PRELID2: variants seen among roughly 807,000 people sequenced by gnomAD.
The protein encoded by PRELID2 is PRELI domain-containing protein 2.
PRELID2 carries 25 observed loss-of-function variants against 28.4 expected under a neutral mutation model. That is an observed-to-expected ratio of 0.88 (90% confidence interval 0.64 to 1.23). The LOEUF (loss-of-function observed/expected upper bound fraction) is 1.23, where lower values mean the gene tolerates loss of function less well. PRELID2 is among the 50% of genes most tolerant of loss of function. The pLI is 0.00. For synonymous variants in PRELID2, 76 were observed against 71.6 expected, an observed-to-expected ratio of 1.06 and a Z score of -0.31; for missense variants, 201 against 214.4, an observed-to-expected ratio of 0.94 and a Z score of 0.39.
At chr5:145,390,709 G>A in the PRELID2 span, among the ~76,000 whole-genome samples, 1 of 152,064 alleles carries the variant, frequency 6.6e-6, no homozygotes, top group African/African-American at 2.4e-5. Context: ...AGCTCCCAAA[G>A]TCTTAGTTCA....
At chr5:145,496,708 T>A (rs1752312872) in intron 1 of PRELID2, among the ~76,000 whole-genome samples, 1 of 152,122 alleles carries the variant, frequency 6.6e-6, no homozygotes, top group South Asian at 2.1e-4. Flanking sequence ...GTCTGAGGTT[T>A]CTCCTTCCTT....
At chr5:145,412,224 T>C in the PRELID2 span, among the ~76,000 whole-genome samples, 14 of 152,242 alleles carry the variant, frequency 9.2e-5, no homozygotes, top group African/African-American at 3.4e-4. Flanking sequence ...GTTTTTCTTT[T>C]TTCCTGCATA....
chr5:145,599,571 C>G (rs1224142554), intron 1 of PRELID2, among the ~76,000 whole-genome samples: 1 of 152,042 alleles, frequency 6.6e-6, no homozygotes, highest in African/African-American at 2.4e-5. Context: ...GTCTTACGCT[C>G]GAGATACTTG....
At chr5:145,477,898 G>C (rs929819840) in intron 1 of PRELID2, among the ~76,000 whole-genome samples, 2 of 152,040 alleles carry the variant, frequency 1.3e-5, no homozygotes, top group African/African-American at 2.4e-5. Flanking sequence ...GAGGGAAAGG[G>C]GGAAGTGGGG....
chr5:145,831,717 A>T (rs1370352049), intron 1 of PRELID2, among the ~76,000 whole-genome samples: 1 of 152,116 alleles, frequency 6.6e-6, no homozygotes, highest in Admixed American at 6.6e-5. Flanking sequence ...TTAGTCTCCA[A>T]ATGTTTGTCT....
chr5:145,232,097 G>T, the PRELID2 span, among the ~76,000 whole-genome samples: 1 of 152,004 alleles, frequency 6.6e-6, no homozygotes, highest in Non-Finnish European at 1.5e-5. Context: ...TCGTGTAGAG[G>T]TTAATGGAAC....
the PRELID2 span, among the ~76,000 whole-genome samples, chr5:145,320,263 C>A: frequency 6.6e-6 from 1 of 151,826 alleles, no homozygotes; most frequent in African/African-American, 2.4e-5. Flanking sequence ...AACCCATCAG[C>A]ACTCAACAGC....
chr5:145,538,128 A>T (rs765575102), intron 1 of PRELID2, among the ~76,000 whole-genome samples: 4 of 151,884 alleles, frequency 2.6e-5, no homozygotes, highest in Non-Finnish European at 5.9e-5. Context: ...TGGCATCTCT[A>T]TCAAAAATCA....
chr5:145,457,255 T>G, the PRELID2 span, among the ~76,000 whole-genome samples: 2,847 of 152,286 alleles, frequency 0.019, 85 homozygotes, highest in African/African-American at 0.064. Flanking sequence ...TGAATTATTA[T>G]CCATAAAATG....
chr5:145,642,125 C>A (rs1754117477), intron 1 of PRELID2, among the ~76,000 whole-genome samples: 1 of 152,126 alleles, frequency 6.6e-6, no homozygotes, highest in African/African-American at 2.4e-5. Context: ...ATTTACACCC[C>A]CACCAACAGT....
the PRELID2 span, among the ~76,000 whole-genome samples, chr5:145,425,053 C>G: frequency 7.2e-6 from 1 of 139,778 alleles, no homozygotes; most frequent in South Asian, 2.3e-4. Flanking sequence ...CTACAAGGAA[C>G]TTAAACCAAT....
At chr5:145,604,260 A>G (rs147536838) in intron 1 of PRELID2, among the ~76,000 whole-genome samples, 1 of 152,138 alleles carries the variant, frequency 6.6e-6, no homozygotes, top group African/African-American at 2.4e-5. Context: ...TCCACCCTCA[A>G]GTAGGCCCTA....
intron 1 of PRELID2, among the ~76,000 whole-genome samples, chr5:145,593,455 T>G (rs1027404443): frequency 1.3e-5 from 2 of 152,172 alleles, no homozygotes; most frequent in Non-Finnish European, 2.9e-5. Context: ...TTGGCAAAAA[T>G]TGCGGCAACT....
the PRELID2 span, among the ~76,000 whole-genome samples, chr5:145,442,255 T>C: frequency 1.3e-5 from 2 of 152,056 alleles, no homozygotes; most frequent in African/African-American, 4.8e-5. Context: ...GTTCATGCAA[T>C]TGAAATGTGA....
At chr5:145,472,366 T>G (rs1354837776) in intron 2 of PRELID2, among the ~76,000 whole-genome samples, 1 of 152,084 alleles carries the variant, frequency 6.6e-6, no homozygotes, top group African/African-American at 2.4e-5. Flanking sequence ...ATAAGCACTA[T>G]TATCTTCATT....
Position 145,561,009 on chromosome 5 carries a change from CT to C in PRELID2, n.71-87695del, listed in dbSNP as rs76067294. On this transcript the variant is annotated intron_variant and non_coding_transcript_variant, in intron 1 of 2. Coordinates refer to the PRELID2 transcript ENST00000510259. ...AATCATGAAAAATAGGACTGTTTCA[CT>C]TTTTTTTTTTTTTCCTAAAATGTTC... 4.8e-3 allele frequency among the ~76,000 whole-genome samples: 696 copies of C among 143,932 alleles called. 2 individuals carry two copies. The highest frequency in any genetic ancestry group is 0.012 in the African/African-American group (490 of 39,668). The allele number at this position is 143,932 out of a possible 152,430, so 94.4% of individuals were successfully genotyped here. A position where few individuals can be genotyped will look rare whatever the true frequency, so the allele number is the denominator to read the frequency against.
At chr5:145,765,678 T>C (rs548735579) in intron 5 of PRELID2, among the ~76,000 whole-genome samples, 99 of 152,164 alleles carry the variant, frequency 6.5e-4, no homozygotes, top group Admixed American at 3.1e-3. Context: ...TACAAGTGCA[T>C]TGCAGTTCAA....
At chr5:145,255,139 A>G in the PRELID2 span, among the ~76,000 whole-genome samples, 115 of 152,250 alleles carry the variant, frequency 7.6e-4, 3 homozygotes, top group East Asian at 0.021. Context: ...CTATTCTTTT[A>G]TATGTAATAT....
chr5:145,423,102 T>C, the PRELID2 span, among the ~76,000 whole-genome samples: 1 of 151,844 alleles, frequency 6.6e-6, no homozygotes, highest in African/African-American at 2.4e-5. Flanking sequence ...TGCCGAGAGA[T>C]CCGCTGTTAG....
Sources: gnomAD v4.1 joint callset for allele counts (sites outside exome capture counted in the v4.1 genomes callset) on GRCh38, gnomAD v4.1.1 for gene constraint, MANE v1.5 for transcripts, NCBI Gene and HGNC (gene_info 2026-07-23, HGNC 2026-07-21) for gene names.